CCDC73: variants seen among roughly 807,000 people sequenced by gnomAD.
CCDC73 encodes coiled-coil domain-containing protein 73.
A neutral mutation model predicts 116.5 loss-of-function variants in CCDC73; 95 were observed. That is an observed-to-expected ratio of 0.82 (90% CI 0.69 to 0.97). CCDC73 has a LOEUF of 0.97. Ranked by LOEUF, CCDC73 falls within the 50% of genes least tolerant of loss-of-function variation. The pLI is 0.00. For synonymous variants in CCDC73, 398 were observed against 401.3 expected, an observed-to-expected ratio of 0.99 and a Z score of 0.10; for missense variants, 1,066 against 1,206.8, an observed-to-expected ratio of 0.88 and a Z score of 1.73.
chr11:32,815,469 G>A, the CCDC73 span, among the ~76,000 whole-genome samples: 1 of 149,664 alleles, frequency 6.7e-6, no homozygotes, highest in African/African-American at 2.4e-5. Flanking sequence ...CAAAGCGCTG[G>A]GATTTACAGG....
intron 17 of CCDC73, 109 bp from the exon 18 acceptor site, chr11:32,603,129 C>CTGAT (rs1349186632): frequency 5.1e-6 from 4 of 786,480 alleles, no homozygotes. Context: ...CATCTCTTGG[C>CTGAT]TGATTTCCAC....
At chr11:32,650,134 T>A (rs572365405) in intron 12 of CCDC73, among the ~76,000 whole-genome samples, 1 of 152,238 alleles carries the variant, frequency 6.6e-6, no homozygotes, top group Non-Finnish European at 1.5e-5. Context: ...CAGCAGTATG[T>A]AAGTACTGGA....
intron 3 of CCDC73, among the ~76,000 whole-genome samples, chr11:32,704,080 C>A (rs1354929947): frequency 6.6e-6 from 1 of 152,238 alleles, no homozygotes; most frequent in African/African-American, 2.4e-5. Context: ...TACGGCTCTG[C>A]AAAGTCAGTG....
At chr11:32,608,324 A>C (rs1003332098) in intron 17 of CCDC73, among the ~76,000 whole-genome samples, 4 of 152,164 alleles carry the variant, frequency 2.6e-5, no homozygotes, top group African/African-American at 9.7e-5. Flanking sequence ...TCCTAGATAC[A>C]AGGAGGGGTG....
chr11:32,692,937 G>T (rs930962366), intron 6 of CCDC73, among the ~76,000 whole-genome samples: 3 of 152,204 alleles, frequency 2.0e-5, no homozygotes, highest in African/African-American at 4.8e-5. Context: ...AGTTTTATTT[G>T]TCAGGTAATT....
chr11:32,764,687 AG>A (rs2133381156), intron 1 of CCDC73, among the ~76,000 whole-genome samples: 1 of 152,362 alleles, frequency 6.6e-6, no homozygotes, highest in African/African-American at 2.4e-5. Flanking sequence ...CATCGATGCT[AG>A]GAAGAAACTG....
intron 6 of CCDC73, among the ~76,000 whole-genome samples, chr11:32,689,317 A>T (rs1590595220): frequency 6.6e-6 from 1 of 152,192 alleles, no homozygotes; most frequent in South Asian, 2.1e-4. Flanking sequence ...AGCAAATGCA[A>T]AAGAGCTCTG....
intron 2 of CCDC73, among the ~76,000 whole-genome samples, chr11:32,726,251 G>C (rs1850028918): frequency 6.6e-6 from 1 of 152,134 alleles, no homozygotes; most frequent in Non-Finnish European, 1.5e-5. Context: ...GGATCTACAA[G>C]AAGTCCAGAT....
At chr11:32,727,931 C>T (rs546800027) in intron 2 of CCDC73, among the ~76,000 whole-genome samples, 37 of 152,114 alleles carry the variant, frequency 2.4e-4, no homozygotes, top group African/African-American at 8.4e-4. Flanking sequence ...TTTCCTCCTA[C>T]ATTTAATAGC....
At chr11:32,692,756 T>C (rs1463092885) in intron 6 of CCDC73, among the ~76,000 whole-genome samples, 1 of 152,204 alleles carries the variant, frequency 6.6e-6, no homozygotes, top group Non-Finnish European at 1.5e-5. Flanking sequence ...GAAATACTAA[T>C]GGAATTCAAT....
Position 32,699,381 on chromosome 11 carries a change from G to A in CCDC73, c.316-56C>T, listed in dbSNP as rs1849788890. 12 of 1,417,696 alleles carry A rather than the reference G, an allele frequency of 8.5e-6. 1 individual carries two copies. In the South Asian group the frequency reaches 1.5e-4, roughly 18 times the overall value. The allele number at this position is 1,417,696 out of a possible 1,614,324, so 87.8% of individuals were successfully genotyped here. A position where few individuals can be genotyped will look rare whatever the true frequency, so the allele number is the denominator to read the frequency against. On this transcript the variant is annotated intron_variant, in intron 5 of 17. Coordinates refer to ENST00000335185, the MANE Select transcript of CCDC73 (RefSeq NM_001008391.4). The stretch of plus-strand genomic sequence containing the variant: ...TCCAATGTAAATAATAATACAAAGG[G>A]TAAAATATAAGAGCTCAAGAACCCT...
intron 1 of CCDC73, among the ~76,000 whole-genome samples, chr11:32,778,472 A>C (rs1372595956): frequency 1.3e-5 from 2 of 152,252 alleles, no homozygotes; most frequent in Non-Finnish European, 2.9e-5. Flanking sequence ...TCTGGCCTTA[A>C]CAATGGAACT....
intron 4 of CCDC73, among the ~76,000 whole-genome samples, chr11:32,702,041 C>T (rs1849817100): frequency 6.6e-6 from 1 of 152,202 alleles, no homozygotes; most frequent in South Asian, 2.1e-4. Context: ...TTGGCTTTTG[C>T]TTCCTTAACC....
At chr11:32,752,193 G>T (rs533651780) in intron 2 of CCDC73, among the ~76,000 whole-genome samples, 1 of 152,264 alleles carries the variant, frequency 6.6e-6, no homozygotes, top group South Asian at 2.1e-4. Context: ...ATATTTCGTT[G>T]GCCAAGAAAG....
At chr11:32,768,256 G>A (rs977648574) in intron 1 of CCDC73, among the ~76,000 whole-genome samples, 2 of 152,136 alleles carry the variant, frequency 1.3e-5, no homozygotes, top group Admixed American at 1.3e-4. Flanking sequence ...CTCACTCATA[G>A]GTGGGAATTG....
rs374564775 is a variant in CCDC73 at position 32,658,408 on chromosome 11, T to C, written c.646-3436A>G. Among the ~76,000 whole-genome samples, 13 of 152,318 alleles carry C rather than the reference T, an allele frequency of 8.5e-5. No individual in the cohort carries two copies. In the East Asian group the frequency reaches 2.5e-3, roughly 29 times the overall value. ...AAAAGGCAGAAAGAACTAAGAATTA[T>C]GCTAATGGCAACAAAGAATTTTGGC... On this transcript the variant is annotated intron_variant, in intron 9 of 17. Transcript: ENST00000335185.
At chr11:32,767,052 G>T (rs1193133598) in intron 1 of CCDC73, among the ~76,000 whole-genome samples, 1 of 152,184 alleles carries the variant, frequency 6.6e-6, no homozygotes, top group South Asian at 2.1e-4. Context: ...GAGGCATCAC[G>T]CTACCTGACT....
In CCDC73 at chr11:32,760,028, G is replaced by A. The variant is rs1166828447; in HGVS notation, c.135+81C>T. 13 of 1,171,460 alleles carry A rather than the reference G, an allele frequency of 1.1e-5. No individual in the cohort carries two copies. The Admixed American group carries it at 2.5e-4, about 23-fold the overall frequency. 72.6% of individuals were successfully genotyped at this position (1,171,460 alleles called of 1,614,324 possible). A position where few individuals can be genotyped will look rare whatever the true frequency, so the allele number is the denominator to read the frequency against. The stretch of plus-strand genomic sequence containing the variant: ...TTTCTAAACAAGAGGGATTTTTTAG[G>A]CTTTTTATTCTTTAAAAAACAATAA... On this transcript the variant is annotated intron_variant, in intron 2 of 17. Transcript: ENST00000335185.
intron 14 of CCDC73, among the ~76,000 whole-genome samples, chr11:32,629,283 A>G (rs931326239): frequency 1.3e-5 from 2 of 152,214 alleles, no homozygotes; most frequent in African/African-American, 2.4e-5. Context: ...AATGAAAACT[A>G]TATATAGCCA....
Sources: allele counts gnomAD v4.1 joint callset (sites outside exome capture counted in the v4.1 genomes callset), GRCh38; gene constraint gnomAD v4.1.1; transcripts MANE v1.5; gene names NCBI Gene and HGNC (gene_info 2026-07-23, HGNC 2026-07-21).